Variants in PPP1R2B observed in about 807,000 individuals in gnomAD.
The protein encoded by PPP1R2B is PPP1R2 family member B, also known as protein phosphatase inhibitor 2 family member B.
PPP1R2B carries 13 observed loss-of-function variants against 17.6 expected under a neutral mutation model. The ratio of observed to expected loss-of-function variants is 0.74; its 90% CI spans 0.48 to 1.17. The LOEUF (loss-of-function observed/expected upper bound fraction) is 1.17. Among genes scored for constraint, PPP1R2B ranks in the 50% most tolerant of loss-of-function variants. PPP1R2B has a pLI of 0.00. For synonymous variants in PPP1R2B, 105 were observed against 95.4 expected (o/e 1.10, Z -0.59); for missense variants, 230 against 252.4 (o/e 0.91, Z 0.60).
In PPP1R2B at chr5:156,850,958, A is replaced by G; in HGVS notation, c.396A>G (p.Glu132=). Residue 132 remains glutamate, a synonymous_variant, in exon 1 of 1, where the codon GAA becomes GAG. Coordinates refer to ENST00000522232, the MANE Select transcript of PPP1R2B (RefSeq NM_206858.3). ...AGGAGGATAGTGACCTCTCACCTGAAGAACGAGAAAAAAAGCGACAATTTG... is the reference window on the plus strand; with the variant it reads ...AGGAGGATAGTGACCTCTCACCTGAGGAACGAGAAAAAAAGCGACAATTTG... ...SGEEDSDLSP[E]EREKKRQFEM... The G allele has an allele frequency of 6.2e-7, 1 of 1,613,388 alleles. No homozygotes were observed. The highest frequency in any genetic ancestry group is 1.1e-5 in the South Asian group (1 of 91,048).
rs1758483465 is a variant in PPP1R2B, at chr5:156,851,717, T to C, written c.*537T>C. ...GTTACTGTTGCATTTTCTGACCTACTACCTTTAAAATTCCTGTTGAGTTTC... is the reference window on the plus strand; with the variant it reads ...GTTACTGTTGCATTTTCTGACCTACCACCTTTAAAATTCCTGTTGAGTTTC... On this transcript the variant is annotated 3_prime_UTR_variant, in exon 1 of 1. Transcript: ENST00000522232. The C allele has an allele frequency of 6.5e-6, 1 of 153,618 alleles. No individual in the cohort carries two copies. The highest frequency in any genetic ancestry group is 1.5e-5 in the Non-Finnish European group (1 of 68,746). 9.5% of individuals were successfully genotyped at this position (153,618 alleles called of 1,614,324 possible). A position where few individuals can be genotyped will look rare whatever the true frequency, so the allele number is the denominator to read the frequency against.
rs978807721 is a variant in PPP1R2B at position 156,850,516 on chromosome 5, C to T, written c.-47C>T. ...CTGTGCCGACCCTTCTCTTCGCGGACCCCACGCCAAGCAGCGACCCTGAGG... is the reference window on the plus strand; with the variant it reads ...CTGTGCCGACCCTTCTCTTCGCGGATCCCACGCCAAGCAGCGACCCTGAGG... On this transcript the variant is annotated 5_prime_UTR_variant, in exon 1 of 1. Coordinates refer to ENST00000522232, the MANE Select transcript of PPP1R2B (RefSeq NM_206858.3). 3.2e-6 allele frequency: 5 copies of T among 1,563,510 alleles called. No homozygotes were observed. The African/African-American group carries it at 6.8e-5, about 21-fold the overall frequency.
rs1758489181 is a variant in PPP1R2B at position 156,852,123 on chromosome 5, T to C, written c.*943T>C. 1 of 152,140 alleles carries C rather than the reference T, an allele frequency of 6.6e-6. No homozygotes were observed. Among genetic ancestry groups the C allele is most frequent in the Admixed American group, 6.5e-5 (1 of 15,284 alleles). 9.4% of individuals were successfully genotyped at this position (152,140 alleles called of 1,614,324 possible). On this transcript the variant is annotated 3_prime_UTR_variant, in exon 1 of 1. Transcript: ENST00000522232. ...TGTGTGGAAATTCTTATTTTGACCA[T>C]CAATGCCTATGAATTCTTCTAATAC...
chr5:156,851,419 C>T lies in PPP1R2B; in HGVS notation c.*239C>T, dbSNP rs1226891090. 1 of 578,778 alleles carries T rather than the reference C, an allele frequency of 1.7e-6. No individual in the cohort carries two copies. Among genetic ancestry groups the T allele is most frequent in the Non-Finnish European group, 3.0e-6 (1 of 329,844 alleles). The allele number at this position is 578,778 out of a possible 1,614,324, so 35.9% of individuals were successfully genotyped here. ...ACAGTGTAATATCATCAGTCCAAAA[C>T]TGCATTACTTTCATAAGAACACTGG... On this transcript the variant is annotated 3_prime_UTR_variant, in exon 1 of 1. Coordinates refer to ENST00000522232, the MANE Select transcript of PPP1R2B (RefSeq NM_206858.3).
rs1758487699 is a variant in PPP1R2B, at chr5:156,851,965, A to G, written c.*785A>G. On this transcript the variant is annotated 3_prime_UTR_variant, in exon 1 of 1. Coordinates refer to ENST00000522232, the MANE Select transcript of PPP1R2B (RefSeq NM_206858.3). ...AGCTATCTCGCCATTCCCTTTAAATACCTGTCTTAACCTCCTGCTTTTATT... is the reference window on the plus strand; with the variant it reads ...AGCTATCTCGCCATTCCCTTTAAATGCCTGTCTTAACCTCCTGCTTTTATT... 4 of 152,608 alleles carry G rather than the reference A, an allele frequency of 2.6e-5. No homozygotes were observed. In the South Asian group the frequency reaches 6.2e-4, roughly 24 times the overall value. The allele number at this position is 152,608 out of a possible 1,614,324, so 9.5% of individuals were successfully genotyped here.
In PPP1R2B at chr5:156,851,052, G is replaced by T. The variant is rs1554079577; in HGVS notation, c.490G>T (p.Asp164Tyr). 1 of 1,608,698 alleles carries T rather than the reference G, an allele frequency of 6.2e-7. No individual in the cohort carries two copies. The highest frequency in any genetic ancestry group is 8.5e-7 in the Non-Finnish European group (1 of 1,175,180). ...IKLARQLISKDLHDDDEDEEM... is the reference protein window; with the variant it reads ...IKLARQLISKYLHDDDEDEEM... ...ACTAGCCAGACAATTAATTTCAAAAGACCTACATGATGATGATGAAGATGA... is the reference window on the plus strand; with the variant it reads ...ACTAGCCAGACAATTAATTTCAAAATACCTACATGATGATGATGAAGATGA... The change falls in exon 1 of 1, where the codon GAC becomes TAC. Residue 164 changes from aspartate to tyrosine, a missense_variant. Asp to Tyr is a radical substitution (Grantham distance 160). Coordinates refer to ENST00000522232, the MANE Select transcript of PPP1R2B (RefSeq NM_206858.3).
rs1287843554 is a variant in PPP1R2B at position 156,851,537 on chromosome 5, G to A, written c.*357G>A. ...CTAATTTATTTTCATCACTCGAAATGTGGTAGCTCTTACAAAGTTTGTTGA... is the reference window on the plus strand; with the variant it reads ...CTAATTTATTTTCATCACTCGAAATATGGTAGCTCTTACAAAGTTTGTTGA... On this transcript the variant is annotated 3_prime_UTR_variant, in exon 1 of 1. Transcript: ENST00000522232. 1.1e-5 allele frequency: 3 copies of A among 277,036 alleles called. No individual in the cohort carries two copies. The highest frequency in any genetic ancestry group is 7.9e-5 in the East Asian group (1 of 12,658). The allele number at this position is 277,036 out of a possible 1,614,324, so 17.2% of individuals were successfully genotyped here.
chr5:156,850,459 G>C lies in PPP1R2B; in HGVS notation c.-104G>C, dbSNP rs1758461293. ...CAGCAGGTGCGGCCGCTTTAGCCCTGAGCGGGCTCTGCGGCTGCCTGCGAG... is the reference window on the plus strand; with the variant it reads ...CAGCAGGTGCGGCCGCTTTAGCCCTCAGCGGGCTCTGCGGCTGCCTGCGAG... On this transcript the variant is annotated 5_prime_UTR_variant, in exon 1 of 1. Transcript: ENST00000522232. The C allele has an allele frequency of 7.1e-7, 1 of 1,406,796 alleles. No homozygotes were observed. Among genetic ancestry groups the C allele is most frequent in the African/African-American group, 1.4e-5 (1 of 69,232 alleles). 87.1% of individuals were successfully genotyped at this position (1,406,796 alleles called of 1,614,324 possible).
rs536160732 is a variant in PPP1R2B, at chr5:156,850,587, C to A, written c.25C>A (p.Arg9=). Residue 9 remains arginine (R), a synonymous_variant, in exon 1 of 1, where the codon CGG becomes AGG. Coordinates refer to ENST00000522232, the MANE Select transcript of PPP1R2B (RefSeq NM_206858.3). Reference sequence around the variant, plus strand: ...AATGGCGGCCTCGACGGCCTCCCACCGGCCCATCAAGGGGATCTTGAAGAA... The same window carrying A: ...AATGGCGGCCTCGACGGCCTCCCACAGGCCCATCAAGGGGATCTTGAAGAA... MAASTASH[R]PIKGILKNKT... is the part of the protein sequence containing the mutation. 6.3e-7 allele frequency: 1 copy of A among 1,592,840 alleles called. No homozygotes were observed. The highest frequency in any genetic ancestry group is 8.6e-7 in the Non-Finnish European group (1 of 1,169,520).
At position 156,851,559 on chromosome 5, in the gene PPP1R2B, T is replaced by C; in HGVS notation, c.*379T>C. 4.3e-6 allele frequency: 1 copy of C among 230,338 alleles called. No homozygotes were observed. Among genetic ancestry groups the C allele is most frequent in the East Asian group, 1.1e-4 (1 of 9,384 alleles). The allele number at this position is 230,338 out of a possible 1,614,324, so 14.3% of individuals were successfully genotyped here. A position where few individuals can be genotyped will look rare whatever the true frequency, so the allele number is the denominator to read the frequency against. On this transcript the variant is annotated 3_prime_UTR_variant, in exon 1 of 1. Coordinates refer to ENST00000522232, the MANE Select transcript of PPP1R2B (RefSeq NM_206858.3). The stretch of plus-strand genomic sequence containing the variant: ...AATGTGGTAGCTCTTACAAAGTTTG[T>C]TGATTTGTTTTTTTAAAAATCAAAA...
Position 156,850,423 on chromosome 5 carries a change from C to G in PPP1R2B, c.-140C>G, listed in dbSNP as rs113833026. On this transcript the variant is annotated 5_prime_UTR_variant, in exon 1 of 1. Transcript: ENST00000522232. The stretch of plus-strand genomic sequence containing the variant: ...TCGTTGTGACAACCGCTCCAGTAGC[C>G]GTTTCCGAGGCAGCAGGTGCGGCCG... The G allele has an allele frequency of 1.3e-3, 1,402 of 1,042,886 alleles. 11 individuals carry two copies. In the African/African-American group the frequency reaches 0.02, roughly 15 times the overall value. The allele number at this position is 1,042,886 out of a possible 1,614,324, so 64.6% of individuals were successfully genotyped here.
chr5:156,852,275 C>G lies in PPP1R2B; in HGVS notation c.*1095C>G, dbSNP rs541001908. ...CTATTATTAGTTTGGCTTAATTAGACTTAAGAAAACAACCGAGGGTTTTTT... is the reference window on the plus strand; with the variant it reads ...CTATTATTAGTTTGGCTTAATTAGAGTTAAGAAAACAACCGAGGGTTTTTT... On this transcript the variant is annotated 3_prime_UTR_variant, in exon 1 of 1. Transcript: ENST00000522232. 152 of 152,098 alleles carry G rather than the reference C, an allele frequency of 1.0e-3. No individual in the cohort carries two copies. Among genetic ancestry groups the G allele is most frequent in the African/African-American group, 3.6e-3 (149 of 41,510 alleles). The allele number at this position is 152,098 out of a possible 1,614,324, so 9.4% of individuals were successfully genotyped here. A position where few individuals can be genotyped will look rare whatever the true frequency, so the allele number is the denominator to read the frequency against.
At position 156,851,831 on chromosome 5, in the gene PPP1R2B, A is replaced by G. The variant is rs866075932; in HGVS notation, c.*651A>G. The G allele has an allele frequency of 1.3e-5, 2 of 152,658 alleles. No individual in the cohort carries two copies. Among genetic ancestry groups the G allele is most frequent in the Non-Finnish European group, 2.9e-5 (2 of 68,086 alleles). The allele number at this position is 152,658 out of a possible 1,614,324, so 9.5% of individuals were successfully genotyped here. On this transcript the variant is annotated 3_prime_UTR_variant, in exon 1 of 1. Transcript: ENST00000522232. Reference sequence around the variant, plus strand: ...AAATTATCAGGTTAAACTTTCACCAATGTCTGCTCTGTTTTTTGGCAGGGG... The same window carrying G: ...AAATTATCAGGTTAAACTTTCACCAGTGTCTGCTCTGTTTTTTGGCAGGGG...
Position 156,850,558 on chromosome 5 carries a change from C to G in PPP1R2B, c.-5C>G. 2 of 1,584,854 alleles carry G rather than the reference C, an allele frequency of 1.3e-6. No individual in the cohort carries two copies. The highest frequency in any genetic ancestry group is 1.3e-5 in the African/African-American group (1 of 74,446). Reference sequence around the variant, plus strand: ...ACCCTGAGGCGACAGCCGGAGCGCCCGGCAATGGCGGCCTCGACGGCCTCC... The same window carrying G: ...ACCCTGAGGCGACAGCCGGAGCGCCGGGCAATGGCGGCCTCGACGGCCTCC... On this transcript the variant is annotated 5_prime_UTR_variant, in exon 1 of 1. Transcript: ENST00000522232.
rs949686592 is a variant in PPP1R2B, at chr5:156,852,094, C to T, written c.*914C>T. The T allele has an allele frequency of 6.6e-6, 1 of 152,090 alleles. No individual in the cohort carries two copies. Among genetic ancestry groups the T allele is most frequent in the Non-Finnish European group, 1.5e-5 (1 of 67,978 alleles). The allele number at this position is 152,090 out of a possible 1,614,324, so 9.4% of individuals were successfully genotyped here. A position where few individuals can be genotyped will look rare whatever the true frequency, so the allele number is the denominator to read the frequency against. On this transcript the variant is annotated 3_prime_UTR_variant, in exon 1 of 1. Transcript: ENST00000522232. ...CTTTCTGTCACTCTTCTGTCATTTG[C>T]TGCTGTGTGGAAATTCTTATTTTGA... is the stretch of plus-strand genomic sequence containing the variant.
In PPP1R2B at chr5:156,851,191, T is replaced by G. The variant is rs112686811; in HGVS notation, c.*11T>G. 6.5e-7 allele frequency: 1 copy of G among 1,544,526 alleles called. No homozygotes were observed. The highest frequency in any genetic ancestry group is 1.4e-5 in the African/African-American group (1 of 73,500). On this transcript the variant is annotated 3_prime_UTR_variant, in exon 1 of 1. Transcript: ENST00000522232. Reference sequence around the variant, plus strand: ...TTACGAAGTTCATAGAAGAGATTTGTTCAACACTGCAATTGTTTGTTAGAT... The same window carrying G: ...TTACGAAGTTCATAGAAGAGATTTGGTCAACACTGCAATTGTTTGTTAGAT...
In PPP1R2B at chr5:156,850,423, C is replaced by T; in HGVS notation, c.-140C>T. 2 of 1,042,894 alleles carry T rather than the reference C, an allele frequency of 1.9e-6. No individual in the cohort carries two copies. The highest frequency in any genetic ancestry group is 1.7e-5 in the South Asian group (1 of 59,480). The allele number at this position is 1,042,894 out of a possible 1,614,324, so 64.6% of individuals were successfully genotyped here. On this transcript the variant is annotated 5_prime_UTR_variant, in exon 1 of 1. Transcript: ENST00000522232. ...TCGTTGTGACAACCGCTCCAGTAGC[C>T]GTTTCCGAGGCAGCAGGTGCGGCCG...
In PPP1R2B at chr5:156,851,552, A is replaced by G. The variant is rs1306998237; in HGVS notation, c.*372A>G. On this transcript the variant is annotated 3_prime_UTR_variant, in exon 1 of 1. Coordinates refer to ENST00000522232, the MANE Select transcript of PPP1R2B (RefSeq NM_206858.3). ...CACTCGAAATGTGGTAGCTCTTACAAAGTTTGTTGATTTGTTTTTTTAAAA... is the reference window on the plus strand; with the variant it reads ...CACTCGAAATGTGGTAGCTCTTACAGAGTTTGTTGATTTGTTTTTTTAAAA... The G allele has an allele frequency of 4.2e-6, 1 of 240,568 alleles. No individual in the cohort carries two copies. The highest frequency in any genetic ancestry group is 7.9e-6 in the Non-Finnish European group (1 of 125,792). The allele number at this position is 240,568 out of a possible 1,614,324, so 14.9% of individuals were successfully genotyped here.
rs1758459305 is a variant in PPP1R2B at position 156,850,330 on chromosome 5, G to C, written c.-233G>C. ...GCCGGCATCTCTCCGCGAGCCGCGG[G>C]TCAAGTGCCGGCGGCTAATGGTGCG... On this transcript the variant is annotated 5_prime_UTR_variant, in exon 1 of 1. Coordinates refer to ENST00000522232, the MANE Select transcript of PPP1R2B (RefSeq NM_206858.3). Among the ~76,000 whole-genome samples the C allele has an allele frequency of 1.4e-5, 2 of 147,552 alleles. No homozygotes were observed. The highest frequency in any genetic ancestry group is 4.5e-4 in the South Asian group (2 of 4,470).
Sources: allele counts gnomAD v4.1 joint callset (sites outside exome capture counted in the v4.1 genomes callset), GRCh38; gene constraint gnomAD v4.1.1; transcripts MANE v1.5; gene names NCBI Gene and HGNC (gene_info 2026-07-23, HGNC 2026-07-21).